The following BTBD9 variants were observed in gnomAD, a reference collection of about 807,000 sequenced individuals.
BTBD9 encodes BTB domain containing 9.
A neutral mutation model predicts 64.3 loss-of-function variants in BTBD9; 49 were observed. The ratio of observed to expected loss-of-function variants is 0.76; its 90% CI spans 0.61 to 0.97. BTBD9 has a LOEUF of 0.97. BTBD9 is among the 50% of genes least tolerant of loss of function. BTBD9 has a pLI of 0.00. For missense variants in BTBD9, 598 were observed against 762.1 expected (o/e 0.78, Z 2.53); for synonymous variants, 260 against 274.7 (o/e 0.95, Z 0.53).
intron 1 of BTBD9, among the ~76,000 whole-genome samples, chr6:38,621,384 C>A (rs537304874): frequency 3.7e-4 from 57 of 152,318 alleles, no homozygotes; most frequent in African/African-American, 1.3e-3. Flanking sequence ...AGACTTATGC[C>A]GCCTGAGAGG....
Position 38,239,051 on chromosome 6 carries a change from G to A in BTBD9, c.1562+17358C>T, listed in dbSNP as rs140845499. ...ATTCAATCTTAATGGGGTGGGACTC[G>A]GGAGAAGAGTACAGAACATAAAAGG... On this transcript the variant is annotated intron_variant, in intron 9 of 10. Coordinates refer to ENST00000481247, the MANE Select transcript of BTBD9 (RefSeq NM_001099272.2). Among the ~76,000 whole-genome samples, 212 of 152,162 alleles carry A rather than the reference G, an allele frequency of 1.4e-3. 1 individual carries two copies. The highest frequency in any genetic ancestry group is 4.7e-3 in the African/African-American group (197 of 41,498).
At chr6:38,330,272 C>T (rs757113248) in intron 7 of BTBD9, among the ~76,000 whole-genome samples, 1 of 152,084 alleles carries the variant, frequency 6.6e-6, no homozygotes. Flanking sequence ...AGGATGGTCT[C>T]GAACTCCTGA....
In BTBD9 at chr6:38,636,448, C is replaced by G. The variant is rs78346365; in HGVS notation, c.-28+3352G>C. Among the ~76,000 whole-genome samples, 554 of 152,300 alleles carry G rather than the reference C, an allele frequency of 3.6e-3. 3 individuals are homozygous for G. The highest frequency in any genetic ancestry group is 0.013 in the African/African-American group (530 of 41,568). On this transcript the variant is annotated intron_variant, in intron 1 of 10. Coordinates refer to ENST00000481247, the MANE Select transcript of BTBD9 (RefSeq NM_001099272.2). ...TTAACACTGCCATTATTTCTTCTCT[C>G]CACTTCAAACCTGTTCCTCTTCCTG... is the stretch of plus-strand genomic sequence containing the variant.
rs754768207 is a variant in BTBD9, at chr6:38,179,137, T to C, written c.1642-3955A>G. Among the ~76,000 whole-genome samples, 46 of 152,274 alleles carry C rather than the reference T, an allele frequency of 3.0e-4. No individual in the cohort carries two copies. The East Asian group carries it at 5.0e-3, about 17-fold the overall frequency. ...AAGAGCTGGGATTACAGGCGTGAGC[T>C]ACCATGCCCAGCCTACGAGACTCTT... On this transcript the variant is annotated intron_variant, in intron 10 of 10. Coordinates refer to ENST00000481247, the MANE Select transcript of BTBD9 (RefSeq NM_001099272.2).
At chr6:38,179,382 A>G in intron 10 of BTBD9, 1 of 454,930 alleles carries the variant, frequency 2.2e-6, no homozygotes. Flanking sequence ...GATAAAGGAG[A>G]GCGCCCACAA....
At position 38,174,741 on chromosome 6, in the gene BTBD9, T is replaced by A; in HGVS notation, c.*244A>T. Reference sequence around the variant, plus strand: ...GGTAGGGTGTTAATGGTGGACTTGATGAAGATTGAAGACCCATTTTCTCCC... The same window carrying A: ...GGTAGGGTGTTAATGGTGGACTTGAAGAAGATTGAAGACCCATTTTCTCCC... On this transcript the variant is annotated 3_prime_UTR_variant, in exon 11 of 11. Transcript: ENST00000481247. The A allele has an allele frequency of 1.9e-6, 1 of 532,524 alleles. No homozygotes were observed. 33.0% of individuals were successfully genotyped at this position (532,524 alleles called of 1,614,324 possible). A position where few individuals can be genotyped will look rare whatever the true frequency, so the allele number is the denominator to read the frequency against.
intron 6 of BTBD9, among the ~76,000 whole-genome samples, chr6:38,374,018 C>T (rs868147758): frequency 6.6e-6 from 1 of 151,636 alleles, no homozygotes; most frequent in African/African-American, 2.4e-5. Flanking sequence ...GGCCTATAAT[C>T]CCAGCACTTT....
At chr6:38,292,450 C>G (rs1438341834) in intron 7 of BTBD9, among the ~76,000 whole-genome samples, 2 of 151,616 alleles carry the variant, frequency 1.3e-5, no homozygotes, top group African/African-American at 4.8e-5. Context: ...TGGTCCTGGG[C>G]TTTTTTTTGG....
chr6:38,544,051 T>G (rs1171218573), intron 6 of BTBD9, among the ~76,000 whole-genome samples: 1 of 151,890 alleles, frequency 6.6e-6, no homozygotes, highest in East Asian at 1.9e-4. Flanking sequence ...GTAAGTTGGC[T>G]CTCCATATCC....
intron 7 of BTBD9, among the ~76,000 whole-genome samples, chr6:38,335,668 C>A (rs567118194): frequency 6.6e-6 from 1 of 151,716 alleles, no homozygotes; most frequent in Non-Finnish European, 1.5e-5. Flanking sequence ...CAGGTTCAAG[C>A]GATTCTCCTG....
At chr6:38,401,697 A>T (rs949802487) in intron 6 of BTBD9, among the ~76,000 whole-genome samples, 3 of 152,240 alleles carry the variant, frequency 2.0e-5, no homozygotes, top group Non-Finnish European at 4.4e-5. Flanking sequence ...CAGTATGTAT[A>T]GTCAAATGGT....
intron 6 of BTBD9, among the ~76,000 whole-genome samples, chr6:38,533,810 A>G (rs892598246): frequency 6.6e-6 from 1 of 152,180 alleles, no homozygotes; most frequent in African/African-American, 2.4e-5. Flanking sequence ...AAGAAATTAA[A>G]AAGGAAATTG....
intron 1 of BTBD9, among the ~76,000 whole-genome samples, chr6:38,610,643 C>A (rs1183831958): frequency 6.6e-6 from 1 of 152,094 alleles, no homozygotes; most frequent in East Asian, 1.9e-4. Context: ...GGGTTAAGAT[C>A]TGGGCAGATC....
At chr6:38,347,446 A>G (rs996120868) in intron 6 of BTBD9, among the ~76,000 whole-genome samples, 1 of 152,222 alleles carries the variant, frequency 6.6e-6, no homozygotes, top group Non-Finnish European at 1.5e-5. Context: ...GCTCATAACA[A>G]GTTTAATTAT....
intron 6 of BTBD9, among the ~76,000 whole-genome samples, chr6:38,507,689 T>C (rs1217447892): frequency 6.6e-6 from 1 of 152,182 alleles, no homozygotes; most frequent in Non-Finnish European, 1.5e-5. Context: ...CTCAGTCTCA[T>C]AAGCCCCCCT....
At chr6:38,315,200 G>A (rs181374928) in intron 7 of BTBD9, among the ~76,000 whole-genome samples, 39 of 152,230 alleles carry the variant, frequency 2.6e-4, no homozygotes, top group African/African-American at 7.9e-4. Context: ...CTGGCTAAAG[G>A]TTTGTTGATT....
At chr6:38,599,228 TGGG>T (rs770508709) in intron 1 of BTBD9, among the ~76,000 whole-genome samples, 1 of 152,014 alleles carries the variant, frequency 6.6e-6, no homozygotes, top group Non-Finnish European at 1.5e-5. Context: ...TGTAAGAAAG[TGGG>T]GGGTTATAGT....
chr6:38,540,554 C>T (rs1388897901), intron 6 of BTBD9, among the ~76,000 whole-genome samples: 1 of 152,160 alleles, frequency 6.6e-6, no homozygotes, highest in Non-Finnish European at 1.5e-5. Context: ...TGGGCACTTA[C>T]ATGGTATAAA....
chr6:38,399,289 TAAATCTTA>T (rs1766823594), intron 6 of BTBD9, among the ~76,000 whole-genome samples: 1 of 152,226 alleles, frequency 6.6e-6, no homozygotes. Context: ...AGTAAATCTC[TAAATCTTA>T]AAATTGTCTA....
Sources: gnomAD v4.1 joint callset for allele counts (sites outside exome capture counted in the v4.1 genomes callset) on GRCh38, gnomAD v4.1.1 for gene constraint, MANE v1.5 for transcripts, NCBI Gene and HGNC (gene_info 2026-07-23, HGNC 2026-07-21) for gene names.